Variants in HGF observed in about 807,000 individuals in gnomAD.
HGF encodes the protein hepatocyte growth factor.
HGF carries 39 observed loss-of-function variants against 111.6 expected under a neutral mutation model. That is an observed-to-expected ratio of 0.35 (90% CI 0.27 to 0.46). The LOEUF is 0.46. Ranked by LOEUF, HGF falls within the 20% of genes least tolerant of loss-of-function variation. The probability of loss-of-function intolerance (pLI) is 1.00; values close to 1 mark genes in which losing one functional copy is unlikely to be tolerated. For missense variants in HGF, 735 were observed against 910.5 expected (o/e 0.81, Z 2.48); for synonymous variants, 285 against 294.8 (o/e 0.97, Z 0.34).
chr7:81,715,961 A>T (rs1052873188), intron 11 of HGF, among the ~76,000 whole-genome samples: 5 of 152,206 alleles, frequency 3.3e-5, no homozygotes, highest in African/African-American at 1.2e-4. Context: ...CATTGTGGTA[A>T]AGGATGTTCG....
At chr7:81,732,029 G>T (rs570372403) in intron 7 of HGF, among the ~76,000 whole-genome samples, 3 of 152,170 alleles carry the variant, frequency 2.0e-5, no homozygotes, top group African/African-American at 7.2e-5. Flanking sequence ...CTACTTAATT[G>T]TATGTGATTT....
In HGF at chr7:81,732,284, T is replaced by C. The variant is rs1787690661; in HGVS notation, c.866-2505A>G. ...CAATCAAGACAATAAATAAAATGAA[T>C]ATAATATTCAGATATGATTAAGGAT... On this transcript the variant is annotated intron_variant, in intron 7 of 17. Coordinates refer to ENST00000222390, the MANE Select transcript of HGF (RefSeq NM_000601.6). Among the ~76,000 whole-genome samples, 3 of 152,280 alleles carry C rather than the reference T, an allele frequency of 2.0e-5. No individual in the cohort carries two copies. In the South Asian group the frequency reaches 6.2e-4, roughly 32 times the overall value.
chr7:81,743,094 A>T (rs1033311980), intron 7 of HGF: 1 of 799,680 alleles, frequency 1.3e-6, no homozygotes, highest in Non-Finnish European at 2.1e-6. Context: ...TCTTGATAAC[A>T]TTAGAATGTT....
In HGF at chr7:81,725,926, A is replaced by G. The variant is rs1789994490; in HGVS notation, c.1132T>C (p.Ser378Pro). The change falls in exon 9 of 18, where the codon TCC becomes CCC. Residue 378 changes from serine to proline, a missense_variant. This residue lies in a region of HGF where 553 missense variants were observed against 685.6 expected (regional missense o/e 0.81). Coordinates refer to ENST00000222390, the MANE Select transcript of HGF (RefSeq NM_000601.6). ...TDPNIRVGYCSQIPNCDMSHG... is the reference protein window; with the variant it reads ...TDPNIRVGYCPQIPNCDMSHG... Reference sequence around the variant, plus strand: ...GACATATCACAGTTTGGAATTTGGGAGCAGTAGCCAACTCGGATGTTTGGA... The same window carrying G: ...GACATATCACAGTTTGGAATTTGGGGGCAGTAGCCAACTCGGATGTTTGGA... The G allele has an allele frequency of 6.2e-7, 1 of 1,613,944 alleles. No homozygotes were observed. The highest frequency in any genetic ancestry group is 1.1e-5 in the South Asian group (1 of 91,080).
At position 81,720,658 on chromosome 7, in the gene HGF, T is replaced by C. The variant is rs922422515; in HGVS notation, c.1271+87A>G. 10 of 776,282 alleles carry C rather than the reference T, an allele frequency of 1.3e-5. No individual in the cohort carries two copies. The African/African-American group carries it at 1.4e-4, about 11-fold the overall frequency. 48.1% of individuals were successfully genotyped at this position (776,282 alleles called of 1,614,324 possible). On this transcript the variant is annotated intron_variant, in intron 10 of 17. Coordinates refer to ENST00000222390, the MANE Select transcript of HGF (RefSeq NM_000601.6). ...TAGCTTACCATGATATATAAAAGAA[T>C]AGAAAGAAATAGCAATGTACATATC...
At chr7:81,724,879 A>C (rs1789964548) in intron 9 of HGF, among the ~76,000 whole-genome samples, 1 of 152,180 alleles carries the variant, frequency 6.6e-6, no homozygotes, top group Non-Finnish European at 1.5e-5. Flanking sequence ...TTTTGACTTA[A>C]AAATCTATTT....
intron 11 of HGF, among the ~76,000 whole-genome samples, 199 bp downstream of exon 11, chr7:81,717,033 T>C (rs1789730532): frequency 6.6e-6 from 1 of 152,146 alleles, no homozygotes; most frequent in African/African-American, 2.4e-5. Context: ...TCTTCTTATC[T>C]ATACGAGAGA....
intron 14 of HGF, 55 bp from the exon 15 acceptor site, chr7:81,706,482 G>T: frequency 7.3e-7 from 1 of 1,377,406 alleles, no homozygotes; most frequent in Non-Finnish European, 1.0e-6. Context: ...AAATTCTGTA[G>T]TATTATTCCT....
intron 7 of HGF, among the ~76,000 whole-genome samples, chr7:81,735,905 CT>C (rs1225368951): frequency 1.3e-5 from 2 of 152,114 alleles, no homozygotes; most frequent in East Asian, 3.9e-4. Flanking sequence ...CTCTTTCTTC[CT>C]CTTGTTATAA....
Position 81,702,560 on chromosome 7 carries a change from C to T in HGF, c.*21G>A. On this transcript the variant is annotated 3_prime_UTR_variant, in exon 18 of 18. Transcript: ENST00000222390. ...TAAAAGACAGTTGTATTGGTGGGTG[C>T]TTCAGACACACTTACTTCAGCTATG... 1 of 1,593,080 alleles carries T rather than the reference C, an allele frequency of 6.3e-7. No individual in the cohort carries two copies. The highest frequency in any genetic ancestry group is 2.2e-5 in the East Asian group (1 of 44,690).
At position 81,743,404 on chromosome 7, in the gene HGF, A is replaced by G; in HGVS notation, c.814T>C (p.Tyr272His). The G allele has an allele frequency of 6.2e-7, 1 of 1,613,920 alleles. No individual in the cohort carries two copies. The highest frequency in any genetic ancestry group is 8.5e-7 in the Non-Finnish European group (1 of 1,179,800). ...NPDGQPRPWC[Y>H]TLDPHTRWEY... ...CAGCGGGTGTGAGGGTCAAGAGTAT[A>G]GCACCATGGCCTCGGCTGGCCATCG... Residue 272 changes from tyrosine (Y) to histidine (H), a missense_variant, in exon 7 of 18, where the codon TAT becomes CAT. By Grantham distance (83) the Tyr-to-His change is moderately conservative. Coordinates refer to ENST00000222390, the MANE Select transcript of HGF (RefSeq NM_000601.6).
In HGF at chr7:81,764,152, T is replaced by C. The variant is rs116243858; in HGVS notation, c.89-1280A>G. Among the ~76,000 whole-genome samples, 1,258 of 152,154 alleles carry C rather than the reference T, an allele frequency of 8.3e-3. 18 individuals are homozygous for C. Among genetic ancestry groups the C allele is most frequent in the African/African-American group, 0.029 (1,198 of 41,516 alleles). ...AATTTGTGTGCACAAAATTTGGAAATACAACTAGCAGAGTGAGGTACCAAA... is the reference window on the plus strand; with the variant it reads ...AATTTGTGTGCACAAAATTTGGAAACACAACTAGCAGAGTGAGGTACCAAA... On this transcript the variant is annotated intron_variant, in intron 1 of 17. Coordinates refer to ENST00000222390, the MANE Select transcript of HGF (RefSeq NM_000601.6).
chr7:81,738,855 A>G (rs1787917879), intron 7 of HGF, among the ~76,000 whole-genome samples: 3 of 152,146 alleles, frequency 2.0e-5, no homozygotes, highest in Admixed American at 2.0e-4. Flanking sequence ...TTGACATATA[A>G]TAGCTGCTCA....
At chr7:81,748,940 A>C (rs150886926) in intron 5 of HGF, among the ~76,000 whole-genome samples, 42 of 152,330 alleles carry the variant, frequency 2.8e-4, no homozygotes, top group African/African-American at 1.0e-3. Flanking sequence ...TATACAGACT[A>C]AAAGAGTTAT....
intron 14 of HGF, among the ~76,000 whole-genome samples, 176 bp downstream of exon 14, chr7:81,707,114 G>A (rs1789448418): frequency 6.6e-6 from 1 of 152,016 alleles, no homozygotes; most frequent in South Asian, 2.1e-4. Context: ...GTAGTGTCTT[G>A]TAAATATCTG....
Position 81,745,108 on chromosome 7 carries a change from G to C in HGF, c.638C>G (p.Thr213Ser), listed in dbSNP as rs144136982. Residue 213 changes from threonine to serine, a missense_variant, in exon 6 of 18, where the codon ACC becomes AGC. Thr to Ser is a moderately conservative substitution (Grantham distance 58). This residue lies in a region of HGF where 553 missense variants were observed against 685.6 expected (regional missense o/e 0.81). Coordinates refer to ENST00000222390, the MANE Select transcript of HGF (RefSeq NM_000601.6). ...ACCTCGATAACTCTCCCCATTGCAG[G>C]TCATGCATTCAACTAATAAAATTAA... Reference protein sequence around the residue: ...IPQCSEVECMTCNGESYRGLM... With the variant: ...IPQCSEVECMSCNGESYRGLM... 177 of 1,613,606 alleles carry C rather than the reference G, an allele frequency of 1.1e-4. 2 individuals are homozygous for C. Among genetic ancestry groups the C allele is most frequent in the Non-Finnish European group, 7.0e-5 (83 of 1,179,780 alleles).
intron 9 of HGF, among the ~76,000 whole-genome samples, chr7:81,721,367 T>G (rs1200104801): frequency 1.3e-5 from 2 of 152,226 alleles, no homozygotes; most frequent in Non-Finnish European, 2.9e-5. Context: ...TAAGGGCTTA[T>G]GCAAATTCAA....
At chr7:81,753,339 T>G (rs1788596500) in intron 4 of HGF, among the ~76,000 whole-genome samples, 1 of 152,062 alleles carries the variant, frequency 6.6e-6, no homozygotes, top group African/African-American at 2.4e-5. Flanking sequence ...CAGTAAACAT[T>G]TCTTTGAAAA....
intron 7 of HGF, among the ~76,000 whole-genome samples, chr7:81,730,125 G>C (rs1301441157): frequency 6.6e-6 from 1 of 152,088 alleles, no homozygotes. Flanking sequence ...AAGTGGTAAT[G>C]AAATTAACCA....
Sources: allele counts gnomAD v4.1 joint callset (sites outside exome capture counted in the v4.1 genomes callset), GRCh38; gene constraint gnomAD v4.1.1; regional missense constraint gnomAD v4.1.1; transcripts MANE v1.5; gene names NCBI Gene and HGNC (gene_info 2026-07-23, HGNC 2026-07-21).